Variants in CLCN5 observed in about 807,000 individuals in gnomAD.
CLCN5 encodes the protein Cl-/H+ antiporter 5, also known as H(+)/Cl(-) exchange transporter 5.
Under a neutral mutation model 54.0 loss-of-function variants are expected in CLCN5, and 17 were observed. The observed-to-expected ratio is 0.31, with a 90% CI of 0.22 to 0.47. CLCN5 has a LOEUF of 0.47. CLCN5 is among the 20% of genes least tolerant of loss of function. The probability of loss-of-function intolerance (pLI) is 1.00; values close to 1 mark genes in which losing one functional copy is unlikely to be tolerated. For synonymous variants in CLCN5, 222 were observed against 233.0 expected, an observed-to-expected ratio of 0.95 and a Z score of 0.43; for missense variants, 448 against 646.7, an observed-to-expected ratio of 0.69 and a Z score of 3.33.
At chrX:49,972,158 T>C (rs1255256054) in intron 3 of CLCN5, among the ~76,000 whole-genome samples, 10 of 103,516 alleles carry the variant, frequency 9.7e-5, no homozygotes, top group Non-Finnish European at 1.6e-4. Context: ...TGTGTGTGTG[T>C]GTACATATTT....
rs189352344 is a variant in CLCN5, at chrX:49,963,577, A to T, written c.16+38263A>T. Among the ~76,000 whole-genome samples the T allele has an allele frequency of 6.5e-3, 732 of 112,010 alleles. 3 individuals are homozygous for T. Among genetic ancestry groups the T allele is most frequent in the African/African-American group, 0.023 (703 of 30,889 alleles). On this transcript the variant is annotated intron_variant, in intron 3 of 14. Coordinates refer to ENST00000376091, the MANE Select transcript of CLCN5 (RefSeq NM_001127898.4). ...TTTCCTCCTTCTTAATTCTGGCCTT[A>T]CATTTGGAAAAAGGGAATTTGATTT...
intron 3 of CLCN5, among the ~76,000 whole-genome samples, chrX:49,951,343 C>A (rs1283330279): frequency 5.4e-5 from 6 of 112,014 alleles, no homozygotes; most frequent in Non-Finnish European, 1.1e-4. Flanking sequence ...GCCATTAAGT[C>A]TCTAAGGTGA....
chrX:50,078,060 T>G (rs782325510), intron 7 of CLCN5, among the ~76,000 whole-genome samples: 1 of 104,798 alleles, frequency 9.5e-6, no homozygotes, highest in Non-Finnish European at 1.9e-5. Context: ...CTCCAAGGAC[T>G]GAGTGAGGTG....
intron 4 of CLCN5, among the ~76,000 whole-genome samples, chrX:50,063,420 G>A (rs1440181984): frequency 3.3e-4 from 36 of 108,387 alleles, no homozygotes; most frequent in South Asian, 7.6e-4. Flanking sequence ...ACAAATGGAT[G>A]CATTCCTCGA....
chrX:50,075,679 C>A, intron 6 of CLCN5, 116 bp from the exon 7 acceptor site: 1 of 631,585 alleles, frequency 1.6e-6, no homozygotes, highest in East Asian at 3.3e-5. Flanking sequence ...ATGTGCTTAT[C>A]TGTTACTTTG....
chrX:49,925,478 T>TG (rs1925295123), intron 3 of CLCN5, among the ~76,000 whole-genome samples, 164 bp downstream of exon 3: 1 of 112,899 alleles, frequency 8.9e-6, no homozygotes, highest in African/African-American at 3.2e-5. Flanking sequence ...AAGAAGCTGC[T>TG]GCTAGCTATA....
At chrX:50,033,941 G>A (rs1005307166) in intron 3 of CLCN5, among the ~76,000 whole-genome samples, 9 of 111,128 alleles carry the variant, frequency 8.1e-5, no homozygotes, top group African/African-American at 2.9e-4. Context: ...ACCCCTACTC[G>A]TCTGTAGGAA....
At chrX:49,930,894 A>C (rs995957995) in intron 3 of CLCN5, among the ~76,000 whole-genome samples, 8 of 111,607 alleles carry the variant, frequency 7.2e-5, no homozygotes, top group African/African-American at 2.6e-4. Flanking sequence ...TCCCAGCTAC[A>C]CCTTTATCAG....
intron 4 of CLCN5, among the ~76,000 whole-genome samples, chrX:50,057,707 TG>T (rs1428132267): frequency 9.6e-6 from 1 of 104,312 alleles, no homozygotes; most frequent in Non-Finnish European, 2.0e-5. Flanking sequence ...GTTTCTTAGA[TG>T]GGAGGGCTAC....
intron 4 of CLCN5, among the ~76,000 whole-genome samples, chrX:50,063,571 C>T (rs1403194595): frequency 9.3e-6 from 1 of 107,224 alleles, no homozygotes; most frequent in East Asian, 2.9e-4. Flanking sequence ...GCCGAATTCT[C>T]CCAGAGGTAC....
intron 4 of CLCN5, among the ~76,000 whole-genome samples, chrX:50,058,696 C>T (rs1181080934): frequency 1.8e-5 from 2 of 111,844 alleles, no homozygotes; most frequent in Non-Finnish European, 3.8e-5. Context: ...GCAAATTAGC[C>T]TTTTGGGGGC....
intron 3 of CLCN5, among the ~76,000 whole-genome samples, chrX:50,038,370 A>G: frequency 8.9e-6 from 1 of 111,746 alleles, no homozygotes. Context: ...AAGACCTGGA[A>G]GATATCACTT....
rs920897857 is a variant in CLCN5 at position 49,949,023 on chromosome X, C to T, written c.16+23709C>T. ...GATTGCCAATGAGAGTGTATCATTGCATGTTGTATTAATGAGGCTGTGTTG... is the reference window on the plus strand; with the variant it reads ...GATTGCCAATGAGAGTGTATCATTGTATGTTGTATTAATGAGGCTGTGTTG... On this transcript the variant is annotated intron_variant, in intron 3 of 14. Transcript: ENST00000376091. Among the ~76,000 whole-genome samples the T allele has an allele frequency of 3.1e-4, 35 of 111,984 alleles. 1 individual carries two copies. Among genetic ancestry groups the T allele is most frequent in the African/African-American group, 1.1e-3 (35 of 30,858 alleles).
intron 3 of CLCN5, among the ~76,000 whole-genome samples, chrX:50,019,391 T>A (rs1930952615): frequency 9.2e-6 from 1 of 108,705 alleles, no homozygotes; most frequent in Non-Finnish European, 1.9e-5. Flanking sequence ...CACAATCAGA[T>A]CACGGTATTA....
chrX:49,989,147 A>T (rs1557178595), intron 3 of CLCN5, among the ~76,000 whole-genome samples: 4 of 106,673 alleles, frequency 3.7e-5, no homozygotes. Flanking sequence ...ATCGTGGCTC[A>T]CTGCAGCCTG....
At chrX:49,981,366 T>C (rs1928721721) in intron 3 of CLCN5, among the ~76,000 whole-genome samples, 1 of 111,761 alleles carries the variant, frequency 8.9e-6, no homozygotes, top group African/African-American at 3.2e-5. Context: ...CATTCCCCTG[T>C]CTCTGAGCCT....
intron 3 of CLCN5, among the ~76,000 whole-genome samples, chrX:49,933,721 T>G (rs1234508380): frequency 9.0e-6 from 1 of 111,709 alleles, no homozygotes; most frequent in Non-Finnish European, 1.9e-5. Flanking sequence ...GTGTAGTGAG[T>G]GAATACAAAT....
intron 3 of CLCN5, chrX:50,003,396 A>G (rs1194293522): frequency 1.7e-5 from 6 of 346,073 alleles, no homozygotes; most frequent in Non-Finnish European, 3.5e-5. Context: ...TAGTTTACCC[A>G]TCAGCACTCC....
intron 3 of CLCN5, among the ~76,000 whole-genome samples, chrX:49,979,040 C>T (rs1170072018): frequency 9.0e-6 from 1 of 110,701 alleles, no homozygotes; most frequent in Non-Finnish European, 1.9e-5. Context: ...AGGATGGGGG[C>T]CAACTTTGGA....
Sources: gnomAD v4.1 joint callset for allele counts (sites outside exome capture counted in the v4.1 genomes callset) on GRCh38, gnomAD v4.1.1 for gene constraint, MANE v1.5 for transcripts, NCBI Gene and HGNC (gene_info 2026-07-23, HGNC 2026-07-21) for gene names.